Variants in PAX5 observed in about 807,000 individuals in gnomAD.
The protein encoded by PAX5 is paired box 5.
PAX5 carries 9 observed loss-of-function variants against 43.7 expected under a neutral mutation model. The ratio of observed to expected loss-of-function variants is 0.21; its 90% CI spans 0.12 to 0.36. PAX5 has a LOEUF of 0.36. PAX5 is among the 10% of genes least tolerant of loss of function. The probability of loss-of-function intolerance (pLI) is 1.00; values close to 1 mark genes in which losing one functional copy is unlikely to be tolerated. For synonymous variants in PAX5, 228 were observed against 214.3 expected, an observed-to-expected ratio of 1.06 and a Z score of -0.56; for missense variants, 383 against 532.7, an observed-to-expected ratio of 0.72 and a Z score of 2.77.
intron 5 of PAX5, among the ~76,000 whole-genome samples, chr9:36,992,383 T>C (rs1263038656): frequency 6.6e-6 from 1 of 152,210 alleles, no homozygotes; most frequent in Non-Finnish European, 1.5e-5. Flanking sequence ...GGCTGCAGGC[T>C]AGTACAGAGC....
At chr9:36,962,312 A>G (rs903514892) in intron 6 of PAX5, among the ~76,000 whole-genome samples, 1 of 152,206 alleles carries the variant, frequency 6.6e-6, no homozygotes, top group Non-Finnish European at 1.5e-5. Flanking sequence ...CTGGACCTGG[A>G]GGCCCATGGA....
intron 6 of PAX5, among the ~76,000 whole-genome samples, chr9:36,964,797 C>G (rs1834277974): frequency 6.6e-6 from 1 of 152,082 alleles, no homozygotes; most frequent in Admixed American, 6.5e-5. Flanking sequence ...CCCTGAAGTC[C>G]AAGATCTAGA....
intron 8 of PAX5, among the ~76,000 whole-genome samples, chr9:36,865,982 T>A (rs1563909644): frequency 6.6e-6 from 1 of 152,218 alleles, no homozygotes; most frequent in Non-Finnish European, 1.5e-5. Flanking sequence ...CATCCACTCC[T>A]GCCCCACCGG....
Position 36,898,533 on chromosome 9 carries a change from T to C in PAX5, c.911-16428A>G, listed in dbSNP as rs372285057. 5.5e-4 allele frequency among the ~76,000 whole-genome samples: 84 copies of C among 152,254 alleles called. No homozygotes were observed. The South Asian group carries it at 0.017, about 30-fold the overall frequency. On this transcript the variant is annotated intron_variant, in intron 7 of 9. Transcript: ENST00000358127. ...CCAGCCATCCCCACCAAATTGAAGC[T>C]CACCGGGCAGGAGGACTAGGAGAAT...
Position 36,840,441 on chromosome 9 carries a change from G to C in PAX5, c.*119C>G, listed in dbSNP as rs924659159. Reference sequence around the variant, plus strand: ...GGAAGAGAGGAAGAGGGGAGCTTCAGGCAAGTGGGGGATGCTGGGGGACGG... The same window carrying C: ...GGAAGAGAGGAAGAGGGGAGCTTCACGCAAGTGGGGGATGCTGGGGGACGG... On this transcript the variant is annotated 3_prime_UTR_variant, in exon 10 of 10. Transcript: ENST00000358127. The C allele has an allele frequency of 3.0e-6, 3 of 987,420 alleles. No homozygotes were observed. The highest frequency in any genetic ancestry group is 2.9e-4 in the Middle Eastern group (1 of 3,434). The allele number at this position is 987,420 out of a possible 1,614,324, so 61.2% of individuals were successfully genotyped here.
At chr9:36,987,584 C>A (rs944500626) in intron 5 of PAX5, among the ~76,000 whole-genome samples, 2 of 152,212 alleles carry the variant, frequency 1.3e-5, no homozygotes, top group Non-Finnish European at 2.9e-5. Flanking sequence ...GCCAGGACTC[C>A]AAGCCCCGCC....
Position 36,919,839 on chromosome 9 carries a change from C to CAAAA in PAX5, c.910+3512_910+3515dup, listed in dbSNP as rs61173333. On this transcript the variant is annotated intron_variant, in intron 7 of 9. Coordinates refer to ENST00000358127, the MANE Select transcript of PAX5 (RefSeq NM_016734.3). ...TGGGCAACAGAGTGAGACTCTGTCTCAAAAAAAAAAAAAAAAAAAAAAAAA... is the reference window on the plus strand; with the variant it reads ...TGGGCAACAGAGTGAGACTCTGTCTCAAAAAAAAAAAAAAAAAAAAAAAAAAAAA... 2.4e-3 allele frequency among the ~76,000 whole-genome samples: 162 copies of CAAAA among 66,210 alleles called. 6 individuals carry two copies. Among genetic ancestry groups the CAAAA allele is most frequent in the Non-Finnish European group, 3.2e-3 (118 of 36,372 alleles). The allele number at this position is 66,210 out of a possible 152,430, so 43.4% of individuals were successfully genotyped here. A position where few individuals can be genotyped will look rare whatever the true frequency, so the allele number is the denominator to read the frequency against.
At chr9:36,928,862 A>G (rs1442485983) in intron 6 of PAX5, among the ~76,000 whole-genome samples, 1 of 152,222 alleles carries the variant, frequency 6.6e-6, no homozygotes, top group Non-Finnish European at 1.5e-5. Context: ...TGCCCACTAG[A>G]ATATTCAAAT....
At chr9:36,926,917 T>G (rs948310956) in intron 6 of PAX5, among the ~76,000 whole-genome samples, 1 of 152,090 alleles carries the variant, frequency 6.6e-6, no homozygotes, top group African/African-American at 2.4e-5. Context: ...TTAATGTATA[T>G]GGGGCGTGAA....
chr9:36,939,586 G>A (rs1482621395), intron 6 of PAX5, among the ~76,000 whole-genome samples: 2 of 152,038 alleles, frequency 1.3e-5, no homozygotes, highest in Non-Finnish European at 2.9e-5. Context: ...TTTTCATTTG[G>A]TTCTAATATC....
At chr9:37,000,890 C>T (rs1837791432) in intron 5 of PAX5, among the ~76,000 whole-genome samples, 1 of 152,266 alleles carries the variant, frequency 6.6e-6, no homozygotes, top group African/African-American at 2.4e-5. Flanking sequence ...TACTTGAAGG[C>T]AGCAATCCAG....
chr9:36,888,790 C>T (rs965918684), intron 7 of PAX5, among the ~76,000 whole-genome samples: 42 of 152,350 alleles, frequency 2.8e-4, no homozygotes, highest in African/African-American at 9.1e-4. Flanking sequence ...CTGCAGGCGG[C>T]AGGCTTGAGG....
rs1414110836 is a variant in PAX5 at position 37,015,058 on chromosome 9, G to A, written c.349C>T (p.Arg117Trp). Residue 117 changes from arginine to tryptophan, a missense_variant, in exon 3 of 10, where the codon CGG (arginine) becomes TGG (tryptophan). Physicochemically the swap from Arg to Trp is moderately radical, Grantham distance 101. Around this residue, in one of 5 missense-constraint regions of PAX5, gnomAD observed 33 missense variants for 70.6 expected, o/e 0.47. Coordinates refer to ENST00000358127, the MANE Select transcript of PAX5 (RefSeq NM_016734.3). The surrounding 1 kb of genome is among the most constrained non-coding windows in gnomAD (Gnocchi z 4.4). The part of the protein sequence containing the change: ...PTMFAWEIRD[R>W]LLAERVCDND... ...TCACACACCCGCTCTGCCAGCAGCC[G>A]GTCCCTGATCTCCCAGGCAAACATG... 1.9e-6 allele frequency: 3 copies of A among 1,614,042 alleles called. No individual in the cohort carries two copies. The highest frequency in any genetic ancestry group is 1.1e-5 in the South Asian group (1 of 91,082).
Position 36,882,736 on chromosome 9 carries a change from G to A in PAX5, c.911-631C>T, listed in dbSNP as rs1037001611. Among the ~76,000 whole-genome samples the A allele has an allele frequency of 6.6e-6, 1 of 152,356 alleles. No individual in the cohort carries two copies. Among genetic ancestry groups the A allele is most frequent in the Non-Finnish European group, 1.5e-5 (1 of 68,036 alleles). ...GAAGATGCAGGAAGCACCTCCCAGT[G>A]CCAAACACTGTTCTGGCCCTGGGAC... On this transcript the variant is annotated intron_variant, in intron 7 of 9. Coordinates refer to ENST00000358127, the MANE Select transcript of PAX5 (RefSeq NM_016734.3). The surrounding 1 kb of genome is among the most constrained non-coding windows in gnomAD (Gnocchi z 4.4).
chr9:36,989,150 C>T (rs1310648773), intron 5 of PAX5, among the ~76,000 whole-genome samples: 1 of 152,202 alleles, frequency 6.6e-6, no homozygotes, highest in East Asian at 1.9e-4. Flanking sequence ...AGTGATGCAA[C>T]AGACTCTGAG....
chr9:36,977,168 A>T (rs564386481), intron 5 of PAX5, among the ~76,000 whole-genome samples: 2 of 152,272 alleles, frequency 1.3e-5, no homozygotes, highest in African/African-American at 4.8e-5. Flanking sequence ...TCTGCGAGAC[A>T]CTGTTCTAAG....
intron 7 of PAX5, among the ~76,000 whole-genome samples, chr9:36,886,242 G>A (rs921435738): frequency 3.9e-5 from 6 of 152,224 alleles, no homozygotes; most frequent in African/African-American, 2.4e-5. Context: ...CATTTGCTAA[G>A]CAGCAATGTG....
intron 8 of PAX5, among the ~76,000 whole-genome samples, chr9:36,863,463 G>A (rs117362836): frequency 0.019 from 2,947 of 152,218 alleles, 43 homozygotes; most frequent in Middle Eastern, 0.048. Flanking sequence ...GTGATGTGCC[G>A]GGTACTATGA....
chr9:36,880,418 A>G (rs1283013311), intron 8 of PAX5, among the ~76,000 whole-genome samples: 1 of 152,258 alleles, frequency 6.6e-6, no homozygotes, highest in Non-Finnish European at 1.5e-5. Context: ...GGACTCCAGC[A>G]TGAGCTAGAA....
Sources: allele counts gnomAD v4.1 joint callset (sites outside exome capture counted in the v4.1 genomes callset), GRCh38; gene constraint gnomAD v4.1.1; regional missense constraint gnomAD v4.1.1; non-coding constraint Gnocchi (gnomAD v3.1); transcripts MANE v1.5; gene names NCBI Gene and HGNC (gene_info 2026-07-23, HGNC 2026-07-21).